Variants in SPTAN1 observed in about 807,000 individuals in gnomAD.
SPTAN1 encodes spectrin alpha chain, non-erythrocytic 1.
In SPTAN1, 61 loss-of-function variants were observed where a neutral mutation model predicts 331.3. The observed-to-expected ratio is 0.18, with a 90% confidence interval of 0.15 to 0.23. The LOEUF is 0.23. SPTAN1 is among the 10% of genes least tolerant of loss of function. The pLI, the probability that SPTAN1 is intolerant of heterozygous loss-of-function variation, is 1.00. For missense variants in SPTAN1, 2,043 were observed against 3,147.9 expected (o/e 0.65, Z 8.40); for synonymous variants, 1,153 against 1,173.9 (o/e 0.98, Z 0.36).
chr9:128,559,171 A>G (rs2132722821), intron 1 of SPTAN1, among the ~76,000 whole-genome samples: 1 of 152,272 alleles, frequency 6.6e-6, no homozygotes, highest in East Asian at 1.9e-4. Context: ...TACTGCAGGA[A>G]AGAAAAGTCC....
chr9:128,608,384 A>G (rs1221313303), intron 34 of SPTAN1, 108 bp downstream of exon 34: 1 of 1,364,056 alleles, frequency 7.3e-7, no homozygotes, highest in Non-Finnish European at 1.0e-6. Context: ...TGCGTTGTCT[A>G]AGAAAAATAT....
intron 45 of SPTAN1, among the ~76,000 whole-genome samples, chr9:128,624,086 CAAAAAAA>C (rs11444346): frequency 1.1e-3 from 74 of 66,814 alleles, no homozygotes; most frequent in African/African-American, 2.6e-3. Flanking sequence ...CACTCCGTCT[CAAAAAAA>C]AAAAAAAAAA....
chr9:128,573,435 T>G (rs937049818), intron 3 of SPTAN1, among the ~76,000 whole-genome samples: 1 of 152,168 alleles, frequency 6.6e-6, no homozygotes, highest in Non-Finnish European at 1.5e-5. Flanking sequence ...AGCTGATGAC[T>G]TTTCAGGACC....
At chr9:128,623,920 C>G (rs1292679776) in intron 45 of SPTAN1, among the ~76,000 whole-genome samples, 4 of 150,540 alleles carry the variant, frequency 2.7e-5, no homozygotes, top group Non-Finnish European at 5.9e-5. Flanking sequence ...ACCCCCATCT[C>G]TACTAAAAAT....
In SPTAN1 at chr9:128,632,949, C is replaced by T. The variant is rs758405090; in HGVS notation, c.7302C>T (p.Leu2434=). The T allele has an allele frequency of 4.2e-5, 67 of 1,612,154 alleles. No homozygotes were observed. The highest frequency in any genetic ancestry group is 5.4e-5 in the Non-Finnish European group (64 of 1,180,034). The change falls in exon 56 of 57, where the codon CTC becomes CTT. Residue 2434 remains leucine (L), a synonymous_variant. Transcript: ENST00000372739. The part of the protein sequence containing the change: ...EGKPYVTKEE[L]YQNLTREQAD... ...AGCCTTACGTGACCAAGGAGGAGCT[C>T]TACCAGGTATGGGCCTCAGGAGGTG...
chr9:128,624,064 C>T (rs1165796237), intron 45 of SPTAN1, among the ~76,000 whole-genome samples: 3 of 120,258 alleles, frequency 2.5e-5, no homozygotes, highest in South Asian at 2.6e-4. Context: ...GCCTGGGCGA[C>T]GGAGTGAAAT....
At chr9:128,576,779 C>T in intron 5 of SPTAN1, 44 bp from the exon 6 acceptor site, 1 of 1,609,912 alleles carries the variant, frequency 6.2e-7, no homozygotes. Flanking sequence ...GTTGGAGGAG[C>T]CAGAAGTTGT....
chr9:128,624,782 G>A, intron 46 of SPTAN1: 3 of 564,244 alleles, frequency 5.3e-6, no homozygotes, highest in Non-Finnish European at 6.3e-6. Flanking sequence ...CACAGCAAAG[G>A]CACCACTAGC....
At position 128,627,793 on chromosome 9, in the gene SPTAN1, G is replaced by GT; in HGVS notation, c.6690-131dup. ...ATGACTTGGTGACAGACGATGCAGG[G>GT]TCTGTGCGTTGGGTACTGATGTTCT... On this transcript the variant is annotated intron_variant, in intron 50 of 56. Transcript: ENST00000372739. This position sits in a 1 kb window ranked among gnomAD's most constrained non-coding sequence, Gnocchi z 4.9. The GT allele has an allele frequency of 2.6e-6, 3 of 1,162,412 alleles. No homozygotes were observed. Among genetic ancestry groups the GT allele is most frequent in the Non-Finnish European group, 3.9e-6 (3 of 770,222 alleles). The allele number at this position is 1,162,412 out of a possible 1,614,324, so 72.0% of individuals were successfully genotyped here. A position where few individuals can be genotyped will look rare whatever the true frequency, so the allele number is the denominator to read the frequency against.
chr9:128,593,369 G>A lies in SPTAN1; in HGVS notation c.3215+327G>A. ...GTTCTATAGTTTTCCTTAGTAGGAAGGAAATCATATGCTTCTCTTAAAGTG... is the reference window on the plus strand; with the variant it reads ...GTTCTATAGTTTTCCTTAGTAGGAAAGAAATCATATGCTTCTCTTAAAGTG... On this transcript the variant is annotated intron_variant, in intron 23 of 56. Coordinates refer to ENST00000372739, the MANE Select transcript of SPTAN1 (RefSeq NM_001130438.3). The A allele has an allele frequency of 1.0e-5, 4 of 390,634 alleles. No individual in the cohort carries two copies. In the Middle Eastern group the frequency reaches 3.2e-3, roughly 316 times the overall value. The allele number at this position is 390,634 out of a possible 1,614,324, so 24.2% of individuals were successfully genotyped here.
intron 41 of SPTAN1, among the ~76,000 whole-genome samples, chr9:128,616,236 A>G (rs1411173046): frequency 6.6e-6 from 1 of 151,138 alleles, no homozygotes; most frequent in African/African-American, 2.4e-5. Context: ...TTTTTCTGAG[A>G]TGGAGTCTCG....
At chr9:128,571,738 G>A (rs1384582525) in intron 3 of SPTAN1, among the ~76,000 whole-genome samples, 1 of 152,200 alleles carries the variant, frequency 6.6e-6, no homozygotes, top group African/African-American at 2.4e-5. Context: ...TTATGTGAGA[G>A]TAGAAACTGA....
chr9:128,575,417 T>C, intron 5 of SPTAN1, 72 bp downstream of exon 5: 1 of 1,558,470 alleles, frequency 6.4e-7, no homozygotes, highest in South Asian at 1.1e-5. Flanking sequence ...AGGATAAAAT[T>C]TTGATGATTG....
At chr9:128,617,565 C>T in intron 41 of SPTAN1, 75 bp from the exon 42 acceptor site, 1 of 1,607,804 alleles carries the variant, frequency 6.2e-7, no homozygotes, top group South Asian at 1.1e-5. Context: ...GTGAGGTCCA[C>T]AGTTGACCTG....
At chr9:128,630,045 A>G (rs928027558) in intron 51 of SPTAN1, 2 of 597,240 alleles carry the variant, frequency 3.3e-6, no homozygotes, top group Non-Finnish European at 6.3e-6. Flanking sequence ...TTTAAACTCC[A>G]TTCCTGAGTC....
At chr9:128,565,010 G>A (rs890868711) in intron 1 of SPTAN1, among the ~76,000 whole-genome samples, 1 of 152,162 alleles carries the variant, frequency 6.6e-6, no homozygotes, top group African/African-American at 2.4e-5. Context: ...TCTTCTGTCT[G>A]AAGGAAGCCA....
intron 56 of SPTAN1, 57 bp from the exon 57 acceptor site, chr9:128,633,152 C>T (rs996929375): frequency 2.0e-5 from 32 of 1,612,230 alleles, no homozygotes; most frequent in African/African-American, 4.0e-5. Context: ...CCTGGGAGGT[C>T]GGGTTTGAAG....
chr9:128,555,316 C>T, intron 1 of SPTAN1: 1 of 1,275,568 alleles, frequency 7.8e-7, no homozygotes, highest in Non-Finnish European at 1.0e-6. Context: ...CCCTTAGAAG[C>T]TTGTTATCTT....
intron 26 of SPTAN1, chr9:128,599,303 T>C: frequency 2.6e-6 from 1 of 382,058 alleles, no homozygotes; most frequent in Non-Finnish European, 5.0e-6. Context: ...CCCAGCTAAT[T>C]TTTGTATTTT....
Sources: allele counts gnomAD v4.1 joint callset (sites outside exome capture counted in the v4.1 genomes callset), GRCh38; gene constraint gnomAD v4.1.1; non-coding constraint Gnocchi (gnomAD v3.1); transcripts MANE v1.5; gene names NCBI Gene and HGNC (gene_info 2026-07-23, HGNC 2026-07-21).